Variants in DPY19L2 observed in about 807,000 individuals in gnomAD.
DPY19L2 encodes the protein probable C-mannosyltransferase DPY19L2.
Under a neutral mutation model 97.9 loss-of-function variants are expected in DPY19L2, and 34 were observed. The ratio of observed to expected loss-of-function variants is 0.35; its 90% CI spans 0.26 to 0.46. The LOEUF (loss-of-function observed/expected upper bound fraction) is 0.46. Among genes scored for constraint, DPY19L2 ranks in the 20% least tolerant of loss-of-function variants. DPY19L2 has a pLI of 1.00. For missense variants in DPY19L2, 623 were observed against 911.4 expected (o/e 0.68, Z 4.07); for synonymous variants, 230 against 307.9 (o/e 0.75, Z 2.65).
intron 14 of DPY19L2, among the ~76,000 whole-genome samples, chr12:63,597,402 T>C (rs1382469899): frequency 6.6e-6 from 1 of 152,042 alleles, no homozygotes; most frequent in Admixed American, 6.6e-5. Context: ...TAACACCTTG[T>C]TAAAAATGTT....
In DPY19L2 at chr12:63,560,614, A is replaced by G; in HGVS notation, c.2175T>C (p.Asn725=). Reference sequence around the variant, plus strand: ...CGCTACATAAGGGAGGGTTAGCTGCATTGGAAGGGTCTTCCACATCCCAGA... The same window carrying G: ...CGCTACATAAGGGAGGGTTAGCTGCGTTGGAAGGGTCTTCCACATCCCAGA... The part of the protein sequence containing the change: ...LEIWDVEDPS[N]AANPPLCSVL... The change falls in exon 22 of 22, where the codon AAT becomes AAC. Residue 725 remains asparagine, a synonymous_variant. Transcript: ENST00000324472. The G allele has an allele frequency of 1.2e-6, 2 of 1,614,088 alleles. No homozygotes were observed. Among genetic ancestry groups the G allele is most frequent in the Non-Finnish European group, 1.7e-6 (2 of 1,179,956 alleles).
intron 16 of DPY19L2, among the ~76,000 whole-genome samples, chr12:63,592,589 T>G (rs1234678558): frequency 6.7e-6 from 1 of 148,702 alleles, no homozygotes; most frequent in African/African-American, 2.5e-5. Context: ...TAGCCATATG[T>G]AGAAAGCTGA....
chr12:63,639,684 TAAA>T (rs1892366982), intron 6 of DPY19L2, among the ~76,000 whole-genome samples: 4 of 152,156 alleles, frequency 2.6e-5, no homozygotes, highest in African/African-American at 9.6e-5. Flanking sequence ...TGGCAATCAT[TAAA>T]AAGTCAGGAA....
chr12:63,634,930 C>T (rs1891392391), intron 6 of DPY19L2, among the ~76,000 whole-genome samples: 1 of 152,166 alleles, frequency 6.6e-6, no homozygotes, highest in South Asian at 2.1e-4. Flanking sequence ...TTTGAAGAGA[C>T]TAGTGGTTCT....
intron 21 of DPY19L2, 67 bp downstream of exon 21, chr12:63,569,157 T>C (rs1878322619): frequency 1.1e-5 from 17 of 1,510,990 alleles, no homozygotes; most frequent in Middle Eastern, 2.4e-4. Flanking sequence ...TCAGGACTAC[T>C]ATAATAAAGT....
intron 6 of DPY19L2, among the ~76,000 whole-genome samples, chr12:63,640,680 A>G (rs1241874854): frequency 6.6e-6 from 1 of 152,150 alleles, no homozygotes; most frequent in African/African-American, 2.4e-5. Context: ...TATCCTTCTT[A>G]AAGACTAGAT....
chr12:63,630,925 G>A (rs1310312746), intron 6 of DPY19L2, among the ~76,000 whole-genome samples: 5 of 152,040 alleles, frequency 3.3e-5, no homozygotes, highest in African/African-American at 1.2e-4. Context: ...ACTCAAAACT[G>A]CTCAACAACA....
rs1430955647 is a variant in DPY19L2, at chr12:63,592,725, A to G, written c.1580+1362T>C. Among the ~76,000 whole-genome samples, 61 of 149,886 alleles carry G rather than the reference A, an allele frequency of 4.1e-4. 1 individual carries two copies. Among genetic ancestry groups the G allele is most frequent in the African/African-American group, 1.4e-3 (56 of 41,122 alleles). ...AGGCATTACCATTCAGGACATAGGC[A>G]TGGGCAAGGACTTCATGTCTAAAAC... On this transcript the variant is annotated intron_variant, in intron 16 of 21. Coordinates refer to ENST00000324472, the MANE Select transcript of DPY19L2 (RefSeq NM_173812.5).
At chr12:63,617,909 A>G (rs1888100917) in intron 10 of DPY19L2, among the ~76,000 whole-genome samples, 1 of 152,108 alleles carries the variant, frequency 6.6e-6, no homozygotes, top group African/African-American at 2.4e-5. Flanking sequence ...TAGTAATAAT[A>G]ATAAGTAAAA....
chr12:63,592,882 C>T (rs1413972146), intron 16 of DPY19L2, among the ~76,000 whole-genome samples: 1 of 151,918 alleles, frequency 6.6e-6, no homozygotes, highest in Non-Finnish European at 1.5e-5. Context: ...ATTTTCACAA[C>T]CTACTCATCT....
At chr12:63,630,330 T>C (rs1444436020) in intron 6 of DPY19L2, among the ~76,000 whole-genome samples, 2 of 151,956 alleles carry the variant, frequency 1.3e-5, no homozygotes, top group Admixed American at 6.6e-5. Context: ...CCATCTCACA[T>C]GCAGAGACAC....
At chr12:63,618,827 A>G (rs1888243728) in intron 9 of DPY19L2, among the ~76,000 whole-genome samples, 1 of 152,150 alleles carries the variant, frequency 6.6e-6, no homozygotes. Context: ...ATCAAAAATA[A>G]CCCAACATAG....
chr12:63,634,603 G>A (rs537322059), intron 6 of DPY19L2, among the ~76,000 whole-genome samples: 22 of 152,258 alleles, frequency 1.4e-4, no homozygotes, highest in African/African-American at 3.9e-4. Flanking sequence ...CTTTTCCAAC[G>A]GTCTTAGCAA....
At position 63,633,757 on chromosome 12, in the gene DPY19L2, A is replaced by T. The variant is rs544758224; in HGVS notation, c.804-7231T>A. Among the ~76,000 whole-genome samples, 7 of 152,278 alleles carry T rather than the reference A, an allele frequency of 4.6e-5. No homozygotes were observed. In the South Asian group the frequency reaches 1.4e-3, roughly 32 times the overall value. On this transcript the variant is annotated intron_variant, in intron 6 of 21. Coordinates refer to ENST00000324472, the MANE Select transcript of DPY19L2 (RefSeq NM_173812.5). ...ATAAATCATGCTGCTGTAAAGACAC[A>T]TGCACACGTATGTTTATTGTGGCAC...
rs1167687035 is a variant in DPY19L2 at position 63,592,847 on chromosome 12, C to T, written c.1580+1240G>A. Among the ~76,000 whole-genome samples, 6 of 152,114 alleles carry T rather than the reference C, an allele frequency of 3.9e-5. No individual in the cohort carries two copies. In the South Asian group the frequency reaches 1.0e-3, roughly 26 times the overall value. On this transcript the variant is annotated intron_variant, in intron 16 of 21. Coordinates refer to ENST00000324472, the MANE Select transcript of DPY19L2 (RefSeq NM_173812.5). ...CAAAAGAAACTACCATCAGAGTCAA[C>T]AGGCAACCTACAACATGGGAGAAAA...
intron 16 of DPY19L2, among the ~76,000 whole-genome samples, chr12:63,585,074 A>C (rs1881550712): frequency 6.6e-6 from 1 of 151,994 alleles, no homozygotes; most frequent in Non-Finnish European, 1.5e-5. Flanking sequence ...TCAAGCATCC[A>C]CTGGGGGTCT....
chr12:63,600,833 C>T lies in DPY19L2; in HGVS notation c.1279-447G>A, dbSNP rs1885055361. On this transcript the variant is annotated intron_variant, in intron 12 of 21. Transcript: ENST00000324472. ...GGGAGTCTCTCTCTGTCCCCCAGGC[C>T]GGAGTGCAGTGGCGCGATCTCTGCT... 2.0e-5 allele frequency among the ~76,000 whole-genome samples: 3 copies of T among 150,590 alleles called. No individual in the cohort carries two copies. In the South Asian group the frequency reaches 6.3e-4, roughly 32 times the overall value.
chr12:63,569,341 G>T lies in DPY19L2; in HGVS notation c.2009C>A (p.Thr670Lys). 6.3e-7 allele frequency: 1 copy of T among 1,583,168 alleles called. No individual in the cohort carries two copies. Among genetic ancestry groups the T allele is most frequent in the Non-Finnish European group, 8.6e-7 (1 of 1,167,322 alleles). The change falls in exon 21 of 22, where the codon ACA becomes AAA. Residue 670 changes from threonine to lysine, a missense_variant. By Grantham distance (78) the Thr-to-Lys change is moderately conservative (BLOSUM62 -1). This residue lies in a region of DPY19L2 where 294 missense variants were observed against 446.2 expected (regional missense o/e 0.66). Coordinates refer to ENST00000324472, the MANE Select transcript of DPY19L2 (RefSeq NM_173812.5). Reference protein sequence around the residue: ...HYEDADLRARTKIVYSTYSRK... With the variant: ...HYEDADLRARKKIVYSTYSRK... Reference sequence around the variant, plus strand: ...ACTATATGTAGAATAAACTATTTTTGTCCGAGCCCTTTAAATTTAAACAAT... The same window carrying T: ...ACTATATGTAGAATAAACTATTTTTTTCCGAGCCCTTTAAATTTAAACAAT...
intron 21 of DPY19L2, among the ~76,000 whole-genome samples, chr12:63,568,388 A>G (rs910894799): frequency 1.3e-5 from 2 of 151,978 alleles, no homozygotes; most frequent in Admixed American, 6.6e-5. Flanking sequence ...TCACTCATGG[A>G]TACCATGTTT....
Sources: allele counts gnomAD v4.1 joint callset (sites outside exome capture counted in the v4.1 genomes callset), GRCh38; gene constraint gnomAD v4.1.1; regional missense constraint gnomAD v4.1.1; transcripts MANE v1.5; gene names NCBI Gene and HGNC (gene_info 2026-07-23, HGNC 2026-07-21).